Variants in SNAP91 observed in about 807,000 individuals in gnomAD.
The protein encoded by SNAP91 is clathrin coat assembly protein AP180.
A neutral mutation model predicts 100.3 loss-of-function variants in SNAP91; 27 were observed. The ratio of observed to expected loss-of-function variants is 0.27; its 90% CI spans 0.20 to 0.37. The LOEUF is 0.37. Among genes scored for constraint, SNAP91 ranks in the 10% least tolerant of loss-of-function variants. The pLI is 1.00. For missense variants in SNAP91, 986 were observed against 1,123.7 expected (o/e 0.88, Z 1.75); for synonymous variants, 404 against 398.6 (o/e 1.01, Z -0.16).
At chr6:83,579,358 T>C (rs1441302947) in intron 24 of SNAP91, among the ~76,000 whole-genome samples, 1 of 152,144 alleles carries the variant, frequency 6.6e-6, no homozygotes, top group Non-Finnish European at 1.5e-5. Context: ...AAGCAGTCAC[T>C]TTGTGAGATG....
chr6:83,660,230 G>C lies in SNAP91; in HGVS notation c.453-1138C>G, dbSNP rs543049693. Among the ~76,000 whole-genome samples the C allele has an allele frequency of 1.6e-4, 24 of 152,312 alleles. No homozygotes were observed. In the South Asian group the frequency reaches 4.8e-3, roughly 30 times the overall value. ...GCAGCTGGGAACATCAGCAATGGTT[G>C]CATGGTGCCATGTAAGAAGTTAGAG... is the stretch of plus-strand genomic sequence containing the variant. On this transcript the variant is annotated intron_variant, in intron 5 of 29. Transcript: ENST00000369694.
At chr6:83,647,834 G>A (rs2098010249) in intron 7 of SNAP91, among the ~76,000 whole-genome samples, 1 of 152,082 alleles carries the variant, frequency 6.6e-6, no homozygotes, top group African/African-American at 2.4e-5. Context: ...AACTTGTAAA[G>A]AAAGATGTAT....
intron 12 of SNAP91, 125 bp from the exon 13 acceptor site, chr6:83,607,933 G>GAAA: frequency 2.4e-6 from 1 of 411,418 alleles, no homozygotes; most frequent in Admixed American, 4.4e-5. Context: ...CTTTGTGGAG[G>GAAA]AAAAAAAAAC....
At chr6:83,609,325 G>T (rs1269990437) in intron 12 of SNAP91, among the ~76,000 whole-genome samples, 1 of 151,994 alleles carries the variant, frequency 6.6e-6, no homozygotes, top group Admixed American at 6.6e-5. Context: ...ACAATTTTAC[G>T]ACACTCTACT....
chr6:83,672,116 T>C (rs2098796014), intron 2 of SNAP91, among the ~76,000 whole-genome samples: 1 of 152,120 alleles, frequency 6.6e-6, no homozygotes, highest in South Asian at 2.1e-4. Flanking sequence ...CTTACTAATC[T>C]TTTCTCTGCT....
At chr6:83,569,745 G>A (rs2128004994) in intron 26 of SNAP91, among the ~76,000 whole-genome samples, 1 of 152,216 alleles carries the variant, frequency 6.6e-6, no homozygotes, top group Admixed American at 6.5e-5. Flanking sequence ...TGTTCCTGTG[G>A]TAGTGAATAA....
At chr6:83,612,386 G>A (rs1002942829) in intron 11 of SNAP91, among the ~76,000 whole-genome samples, 2 of 151,966 alleles carry the variant, frequency 1.3e-5, no homozygotes, top group South Asian at 2.1e-4. Context: ...TTCCCTTTAC[G>A]TATGGAAAAG....
chr6:83,701,068 G>T (rs1383542066), intron 2 of SNAP91, among the ~76,000 whole-genome samples: 1 of 152,194 alleles, frequency 6.6e-6, no homozygotes, highest in African/African-American at 2.4e-5. Flanking sequence ...GAGGGGTACA[G>T]TTGTGTCTGT....
intron 11 of SNAP91, among the ~76,000 whole-genome samples, chr6:83,614,643 G>A (rs2096370623): frequency 6.6e-6 from 1 of 152,034 alleles, no homozygotes; most frequent in Non-Finnish European, 1.5e-5. Flanking sequence ...AAGAGAGACT[G>A]TTAGTCTATA....
chr6:83,588,815 G>A (rs949350226), intron 22 of SNAP91, among the ~76,000 whole-genome samples: 81 of 152,110 alleles, frequency 5.3e-4, no homozygotes, highest in African/African-American at 1.8e-3. Context: ...AGCCTTGGAG[G>A]ACACAGAGAG....
chr6:83,614,980 T>G (rs562425723), intron 10 of SNAP91, 118 bp from the exon 11 acceptor site: 24 of 722,964 alleles, frequency 3.3e-5, no homozygotes, highest in Non-Finnish European at 5.1e-5. Context: ...TTTTAGCCAA[T>G]TCAGAAGAGA....
At chr6:83,677,076 C>T (rs533879720) in intron 2 of SNAP91, among the ~76,000 whole-genome samples, 4 of 152,256 alleles carry the variant, frequency 2.6e-5, no homozygotes, top group Non-Finnish European at 4.4e-5. Context: ...GTAGGTGAGC[C>T]GTGCTTGTAT....
chr6:83,659,241 T>A (rs886304149), intron 5 of SNAP91, 149 bp from the exon 6 acceptor site: 1 of 628,322 alleles, frequency 1.6e-6, no homozygotes, highest in Non-Finnish European at 2.7e-6. Context: ...TTGTAGTCAT[T>A]TCCCCCCTCT....
chr6:83,676,312 G>A (rs1446780950), intron 2 of SNAP91, among the ~76,000 whole-genome samples: 1 of 152,092 alleles, frequency 6.6e-6, no homozygotes, highest in East Asian at 1.9e-4. Context: ...GACATACAAT[G>A]TCGAGCACAG....
chr6:83,686,112 C>T (rs1009066130), intron 2 of SNAP91: 3 of 951,810 alleles, frequency 3.2e-6, no homozygotes, highest in African/African-American at 1.8e-5. Context: ...GAACCTGGAA[C>T]ATACTCTGCT....
rs2094045529 is a variant in SNAP91 at position 83,593,313 on chromosome 6, A to C, written c.1697-54T>G. 8 of 1,537,866 alleles carry C rather than the reference A, an allele frequency of 5.2e-6. No individual in the cohort carries two copies. The Admixed American group carries it at 1.6e-4, about 30-fold the overall frequency. ...TCAACTTGAACAATAAGCCTGACAC[A>C]GCATCACTTCCCAGTCCTTAATTAG... On this transcript the variant is annotated intron_variant, in intron 18 of 29. Coordinates refer to ENST00000369694, the MANE Select transcript of SNAP91 (RefSeq NM_001242792.2).
chr6:83,554,547 A>G lies in SNAP91; in HGVS notation c.*11-262T>C, dbSNP rs555329629. Among the ~76,000 whole-genome samples, 6 of 152,340 alleles carry G rather than the reference A, an allele frequency of 3.9e-5. No individual in the cohort carries two copies. The South Asian group carries it at 8.3e-4, about 21-fold the overall frequency. On this transcript the variant is annotated intron_variant, in intron 29 of 29. Coordinates refer to ENST00000369694, the MANE Select transcript of SNAP91 (RefSeq NM_001242792.2). ...TAATAATTATATCAACAAAAATTTGAATTTAGATACATATTAGAAATTTTA... is the reference window on the plus strand; with the variant it reads ...TAATAATTATATCAACAAAAATTTGGATTTAGATACATATTAGAAATTTTA...
intron 8 of SNAP91, among the ~76,000 whole-genome samples, chr6:83,633,501 G>A (rs2097294948): frequency 6.6e-6 from 1 of 152,098 alleles, no homozygotes; most frequent in Non-Finnish European, 1.5e-5. Flanking sequence ...ACTGGGCAAG[G>A]GCAGGGCTAG....
At chr6:83,608,145 T>G in intron 12 of SNAP91, among the ~76,000 whole-genome samples, 1 of 152,270 alleles carries the variant, frequency 6.6e-6, no homozygotes, top group Admixed American at 6.5e-5. Flanking sequence ...TGCAAAAAAT[T>G]TCAAAAATTA....
Sources: gnomAD v4.1 joint callset for allele counts (sites outside exome capture counted in the v4.1 genomes callset) on GRCh38, gnomAD v4.1.1 for gene constraint, MANE v1.5 for transcripts, NCBI Gene and HGNC (gene_info 2026-07-23, HGNC 2026-07-21) for gene names.